ELP3: variants seen among roughly 807,000 people sequenced by gnomAD.
The protein encoded by ELP3 is elongator complex protein 3.
Under a neutral mutation model 74.9 loss-of-function variants are expected in ELP3, and 56 were observed. The observed-to-expected ratio is 0.75, with a 90% confidence interval of 0.60 to 0.93. The LOEUF is 0.93. Ranked by LOEUF, ELP3 falls within the 40% of genes least tolerant of loss-of-function variation. ELP3 has a pLI of 0.00. For missense variants in ELP3, 573 were observed against 686.5 expected, an observed-to-expected ratio of 0.83 and a Z score of 1.85; for synonymous variants, 222 against 239.8, an observed-to-expected ratio of 0.93 and a Z score of 0.68.
At chr8:28,153,968 A>C (rs1585716804) in intron 10 of ELP3, among the ~76,000 whole-genome samples, 1 of 152,122 alleles carries the variant, frequency 6.6e-6, no homozygotes. Context: ...GCACCTCTTC[A>C]TTCATTTTCT....
chr8:28,172,757 ATAT>A (rs1473407423), intron 14 of ELP3, among the ~76,000 whole-genome samples: 10 of 152,138 alleles, frequency 6.6e-5, no homozygotes, highest in South Asian at 6.2e-4. Context: ...ATTGAGCATG[ATAT>A]TATTATCTGT....
At chr8:28,142,206 T>C (rs546555738) in intron 10 of ELP3, among the ~76,000 whole-genome samples, 2 of 152,344 alleles carry the variant, frequency 1.3e-5, no homozygotes, top group African/African-American at 4.8e-5. Flanking sequence ...AGAACACTTA[T>C]ATGATACAAC....
Position 28,099,907 on chromosome 8 carries a change from C to T in ELP3, c.199C>T (p.Gln67Ter), listed in dbSNP as rs1811406497. Residue 67 changes from glutamine (Q) to a stop codon, truncating the protein, a stop_gained, in exon 3 of 15, where the codon CAG (glutamine) becomes TAG (stop). Coordinates refer to ENST00000256398, the MANE Select transcript of ELP3 (RefSeq NM_018091.6). LOFTEE classifies it high-confidence loss of function. Reference sequence around the variant, plus strand: ...GGATATCATTGCTGCCGTCCCTCCTCAGTATCGCAAGGTCTTGATGCCCAA... The same window carrying T: ...GGATATCATTGCTGCCGTCCCTCCTTAGTATCGCAAGGTCTTGATGCCCAA... ...LVDIIAAVPP[Q>*]YRKVLMPKLK... The T allele has an allele frequency of 3.1e-6, 5 of 1,614,106 alleles. No individual in the cohort carries two copies. The highest frequency in any genetic ancestry group is 4.2e-6 in the Non-Finnish European group (5 of 1,180,058).
intron 12 of ELP3, among the ~76,000 whole-genome samples, chr8:28,159,367 G>A (rs1813975143): frequency 6.6e-6 from 1 of 152,192 alleles, no homozygotes; most frequent in South Asian, 2.1e-4. Context: ...GAGAGAAAAA[G>A]TAGACCCAAC....
intron 14 of ELP3, among the ~76,000 whole-genome samples, chr8:28,170,134 A>G (rs755068938): frequency 1.8e-4 from 27 of 152,172 alleles, no homozygotes; most frequent in African/African-American, 5.3e-4. Flanking sequence ...GCCTACCACA[A>G]TGTATCTTCT....
intron 7 of ELP3, among the ~76,000 whole-genome samples, chr8:28,116,305 A>G (rs934232882): frequency 1.3e-5 from 2 of 152,188 alleles, no homozygotes; most frequent in East Asian, 3.9e-4. Flanking sequence ...ACAGCAGCCC[A>G]CTTCTGTTTG....
chr8:28,143,858 A>AG (rs1159614108), intron 10 of ELP3, among the ~76,000 whole-genome samples: 1 of 152,192 alleles, frequency 6.6e-6, no homozygotes, highest in Non-Finnish European at 1.5e-5. Context: ...TTCTGGAACA[A>AG]GGGGAAAATA....
At chr8:28,148,987 A>G (rs991767217) in intron 10 of ELP3, among the ~76,000 whole-genome samples, 10 of 152,200 alleles carry the variant, frequency 6.6e-5, no homozygotes, top group African/African-American at 2.4e-4. Context: ...TAGTTACTCA[A>G]TATAAGAGGC....
At chr8:28,097,942 G>C (rs1459474506) in intron 2 of ELP3, among the ~76,000 whole-genome samples, 1 of 152,130 alleles carries the variant, frequency 6.6e-6, no homozygotes, top group Admixed American at 6.5e-5. Flanking sequence ...GCAGAGCTGG[G>C]ATTTGGAATT....
chr8:28,125,463 T>C (rs1812535277), intron 7 of ELP3, among the ~76,000 whole-genome samples: 1 of 152,158 alleles, frequency 6.6e-6, no homozygotes, highest in African/African-American at 2.4e-5. Flanking sequence ...AAAGAGGAGC[T>C]GCCACGAATT....
In ELP3 at chr8:28,190,422, A is replaced by G. The variant is rs929073959; in HGVS notation, c.*697A>G. ...ACATTCTTTGTTATCTCTACTTCCC[A>G]CCCTCTTGGCAACTACAGAGCAGTG... is the stretch of plus-strand genomic sequence containing the variant. On this transcript the variant is annotated 3_prime_UTR_variant, in exon 15 of 15. Transcript: ENST00000256398. 1 of 151,900 alleles carries G rather than the reference A, an allele frequency of 6.6e-6. No homozygotes were observed. Among genetic ancestry groups the G allele is most frequent in the Admixed American group, 6.6e-5 (1 of 15,244 alleles). 9.4% of individuals were successfully genotyped at this position (151,900 alleles called of 1,614,324 possible).
intron 12 of ELP3, among the ~76,000 whole-genome samples, chr8:28,159,381 A>G (rs546372702): frequency 9.9e-5 from 15 of 152,232 alleles, no homozygotes; most frequent in African/African-American, 3.6e-4. Context: ...ACCCAACACA[A>G]TTTGCCAGAT....
chr8:28,140,118 G>GT (rs1813175278), intron 10 of ELP3, among the ~76,000 whole-genome samples: 1 of 46,782 alleles, frequency 2.1e-5, no homozygotes. Flanking sequence ...CATATTTTGT[G>GT]TGTGTGTGTG....
intron 14 of ELP3, among the ~76,000 whole-genome samples, chr8:28,179,145 C>T (rs1478643359): frequency 2.0e-5 from 3 of 152,220 alleles, no homozygotes; most frequent in Non-Finnish European, 4.4e-5. Context: ...CCAACTGCAA[C>T]ACTTGAGTGT....
chr8:28,117,985 T>G (rs1482959439), intron 7 of ELP3, among the ~76,000 whole-genome samples: 3 of 152,214 alleles, frequency 2.0e-5, no homozygotes, highest in African/African-American at 7.2e-5. Context: ...GATTTGACCT[T>G]GCCCTTCTCT....
intron 7 of ELP3, among the ~76,000 whole-genome samples, chr8:28,115,702 GAT>G (rs1812102666): frequency 6.6e-6 from 1 of 152,210 alleles, no homozygotes; most frequent in Non-Finnish European, 1.5e-5. Context: ...GGTAGAATGG[GAT>G]ATAAATCCCA....
chr8:28,104,707 C>A (rs1342875783), intron 3 of ELP3, among the ~76,000 whole-genome samples: 1 of 152,204 alleles, frequency 6.6e-6, no homozygotes, highest in African/African-American at 2.4e-5. Context: ...GCACTACGTT[C>A]TTCTCGTCAT....
At chr8:28,107,886 A>G (rs1359075774) in intron 4 of ELP3, 27 bp from the exon 5 acceptor site, 52 of 1,607,246 alleles carry the variant, frequency 3.2e-5, no homozygotes, top group Non-Finnish European at 4.3e-5. Flanking sequence ...TGCATCTGAC[A>G]TTCTTGTTCT....
chr8:28,106,656 G>A, intron 3 of ELP3, 57 bp from the exon 4 acceptor site: 3 of 1,458,570 alleles, frequency 2.1e-6, no homozygotes, highest in Admixed American at 1.7e-5. Context: ...TAAGCACTCT[G>A]TGGAGTTTTA....
Sources: allele counts gnomAD v4.1 joint callset (sites outside exome capture counted in the v4.1 genomes callset), GRCh38; gene constraint gnomAD v4.1.1; transcripts MANE v1.5; gene names NCBI Gene and HGNC (gene_info 2026-07-23, HGNC 2026-07-21).